ROBO1: variants seen among roughly 807,000 people sequenced by gnomAD.
The protein encoded by ROBO1 is roundabout homolog 1.
ROBO1 carries 149 observed loss-of-function variants against 195.9 expected under a neutral mutation model. That is an observed-to-expected ratio of 0.76 (90% CI 0.67 to 0.87). The LOEUF is 0.87. ROBO1 is among the 40% of genes least tolerant of loss of function. The pLI is 0.00. For synonymous variants in ROBO1, 816 were observed against 733.2 expected, an observed-to-expected ratio of 1.11 and a Z score of -1.82; for missense variants, 1,933 against 2,068.3, an observed-to-expected ratio of 0.93 and a Z score of 1.27.
At chr3:78,912,203 T>C (rs1402475672) in intron 4 of ROBO1, among the ~76,000 whole-genome samples, 1 of 152,094 alleles carries the variant, frequency 6.6e-6, no homozygotes, top group Admixed American at 6.6e-5. Context: ...GGAATATACA[T>C]ACATATTTTT....
intron 3 of ROBO1, among the ~76,000 whole-genome samples, chr3:79,117,130 G>A (rs2080018790): frequency 6.6e-6 from 1 of 152,016 alleles, no homozygotes; most frequent in Non-Finnish European, 1.5e-5. Flanking sequence ...ATTTTGGGGG[G>A]CCAAGGTGGG....
Position 79,575,654 on chromosome 3 carries a change from T to C in ROBO1, c.88+14170A>G, listed in dbSNP as rs867183877. On this transcript the variant is annotated intron_variant, in intron 2 of 30. Transcript: ENST00000464233. ...CTGTAGAAACAGAGGAAAATTCTCC[T>C]TATACCAAGATGCCTAAAGGAAAAA... Among the ~76,000 whole-genome samples, 4 of 149,692 alleles carry C rather than the reference T, an allele frequency of 2.7e-5. No individual in the cohort carries two copies. In the South Asian group the frequency reaches 8.4e-4, roughly 31 times the overall value.
chr3:78,981,008 T>C (rs2076978955), intron 3 of ROBO1, among the ~76,000 whole-genome samples: 2 of 152,184 alleles, frequency 1.3e-5, no homozygotes, highest in African/African-American at 4.8e-5. Flanking sequence ...ATGGGATATG[T>C]GTTATATGTG....
chr3:79,629,722 A>C (rs907274492), intron 1 of ROBO1, among the ~76,000 whole-genome samples: 1 of 152,058 alleles, frequency 6.6e-6, no homozygotes, highest in African/African-American at 2.4e-5. Context: ...TGAAAGTATA[A>C]ACAAAATTGA....
chr3:79,233,976 C>CT (rs2082363237), intron 2 of ROBO1, among the ~76,000 whole-genome samples: 1 of 151,966 alleles, frequency 6.6e-6, no homozygotes, highest in African/African-American at 2.4e-5. Context: ...TTGGTGTCCA[C>CT]TTGTACGTCT....
intron 2 of ROBO1, among the ~76,000 whole-genome samples, chr3:79,136,771 C>A (rs2080417352): frequency 6.6e-6 from 1 of 151,954 alleles, no homozygotes; most frequent in Admixed American, 6.6e-5. Flanking sequence ...ACTTTATTAT[C>A]TGTCCCATTT....
At chr3:78,930,432 A>G (rs2039450573) in intron 4 of ROBO1, among the ~76,000 whole-genome samples, 2 of 152,198 alleles carry the variant, frequency 1.3e-5, no homozygotes, top group South Asian at 2.1e-4. Flanking sequence ...GGGGGCCCTA[A>G]GCCTACAATA....
chr3:78,881,985 T>C (rs1195868018), intron 4 of ROBO1, among the ~76,000 whole-genome samples: 2 of 152,132 alleles, frequency 1.3e-5, no homozygotes, highest in East Asian at 1.9e-4. Flanking sequence ...GATTTGAGGG[T>C]AAATTTTATG....
intron 2 of ROBO1, among the ~76,000 whole-genome samples, chr3:79,342,365 AAG>A (rs2034941254): frequency 6.6e-6 from 1 of 152,212 alleles, no homozygotes; most frequent in African/African-American, 2.4e-5. Flanking sequence ...TGAATAGAAT[AAG>A]TCTGAAGTTA....
At chr3:79,721,727 G>A (rs1418594020) in intron 1 of ROBO1, among the ~76,000 whole-genome samples, 1 of 152,154 alleles carries the variant, frequency 6.6e-6, no homozygotes, top group Non-Finnish European at 1.5e-5. Flanking sequence ...TAGTGGTGTC[G>A]AGTTAGAACA....
chr3:79,385,597 A>G (rs984389732), intron 2 of ROBO1, among the ~76,000 whole-genome samples: 7 of 152,174 alleles, frequency 4.6e-5, no homozygotes, highest in African/African-American at 1.7e-4. Flanking sequence ...TTCATGCAAT[A>G]ATCAGTTGTG....
In ROBO1 at chr3:79,384,788, A is replaced by G. The variant is rs538970434; in HGVS notation, c.88+205036T>C. On this transcript the variant is annotated intron_variant, in intron 2 of 30. Coordinates refer to ENST00000464233, the MANE Select transcript of ROBO1 (RefSeq NM_002941.4). Reference sequence around the variant, plus strand: ...TTTAAAAGTATCTCTGATAATATTCATAATTACATGGGGGTAAACATTATG... The same window carrying G: ...TTTAAAAGTATCTCTGATAATATTCGTAATTACATGGGGGTAAACATTATG... Among the ~76,000 whole-genome samples the G allele has an allele frequency of 2.6e-5, 4 of 152,200 alleles. No homozygotes were observed. The South Asian group carries it at 6.2e-4, about 24-fold the overall frequency.
At chr3:78,935,573 C>T (rs2039759884) in intron 4 of ROBO1, among the ~76,000 whole-genome samples, 1 of 151,948 alleles carries the variant, frequency 6.6e-6, no homozygotes, top group South Asian at 2.1e-4. Flanking sequence ...GACCCACAAA[C>T]TATTTTCCTA....
intron 3 of ROBO1, among the ~76,000 whole-genome samples, chr3:79,105,460 C>T (rs1196543042): frequency 6.6e-6 from 1 of 151,400 alleles, no homozygotes; most frequent in East Asian, 1.9e-4. Flanking sequence ...ATGGGAGTAT[C>T]GAGTGGTGTA....
chr3:79,035,285 T>C (rs1396178796), intron 3 of ROBO1, among the ~76,000 whole-genome samples: 1 of 152,218 alleles, frequency 6.6e-6, no homozygotes, highest in Non-Finnish European at 1.5e-5. Flanking sequence ...TTCCTATTTT[T>C]GCAGTAGGCA....
chr3:79,452,521 T>C (rs958187153), intron 2 of ROBO1, among the ~76,000 whole-genome samples: 1 of 152,118 alleles, frequency 6.6e-6, no homozygotes, highest in Non-Finnish European at 1.5e-5. Flanking sequence ...CACTATTAAA[T>C]CTAAACTCCA....
intron 3 of ROBO1, among the ~76,000 whole-genome samples, chr3:79,099,532 A>T (rs1164266980): frequency 6.6e-6 from 1 of 151,716 alleles, no homozygotes; most frequent in Non-Finnish European, 1.5e-5. Flanking sequence ...AAAGGATGGA[A>T]GTTTGAAAAT....
At chr3:78,936,603 C>A (rs191712095) in intron 4 of ROBO1, among the ~76,000 whole-genome samples, 2 of 151,828 alleles carry the variant, frequency 1.3e-5, no homozygotes, top group Non-Finnish European at 2.9e-5. Context: ...CTAGACAATA[C>A]GGTATAGCAA....
At chr3:79,504,521 G>T (rs1940286297) in intron 2 of ROBO1, among the ~76,000 whole-genome samples, 1 of 152,084 alleles carries the variant, frequency 6.6e-6, no homozygotes, top group South Asian at 2.1e-4. Flanking sequence ...TTGAAAATTG[G>T]ATAGACAACT....
Sources: allele counts gnomAD v4.1 joint callset (sites outside exome capture counted in the v4.1 genomes callset), GRCh38; gene constraint gnomAD v4.1.1; transcripts MANE v1.5; gene names NCBI Gene and HGNC (gene_info 2026-07-23, HGNC 2026-07-21).